DNAH14: variants seen among roughly 807,000 people sequenced by gnomAD.
The protein encoded by DNAH14 is axonemal beta dynein heavy chain 14.
A neutral mutation model predicts 520.9 loss-of-function variants in DNAH14; 478 were observed. The observed-to-expected ratio is 0.92, with a 90% CI of 0.85 to 0.99. DNAH14 has a LOEUF of 0.99. DNAH14 is among the 50% of genes least tolerant of loss of function. DNAH14 has a pLI of 0.00. For missense variants in DNAH14, 4,831 were observed against 5,234.5 expected, an observed-to-expected ratio of 0.92 and a Z score of 2.38; for synonymous variants, 1,581 against 1,757.2, an observed-to-expected ratio of 0.90 and a Z score of 2.51.
chr1:224,946,939 A>T (rs2059882114), intron 1 of DNAH14, among the ~76,000 whole-genome samples: 1 of 121,860 alleles, frequency 8.2e-6, no homozygotes, highest in Non-Finnish European at 1.7e-5. Context: ...TTTTTTTGAG[A>T]CAGAGTCTTG....
At chr1:225,256,888 G>A (rs1167763562) in intron 44 of DNAH14, among the ~76,000 whole-genome samples, 1 of 151,680 alleles carries the variant, frequency 6.6e-6, no homozygotes, top group East Asian at 1.9e-4. Context: ...AAGACCAGGA[G>A]CCCATTTGCT....
chr1:224,967,295 C>T (rs975785469), intron 5 of DNAH14, 136 bp from the exon 6 acceptor site: 14 of 487,114 alleles, frequency 2.9e-5, no homozygotes, highest in Middle Eastern at 5.5e-4. Flanking sequence ...TTAGCTTTCT[C>T]CAAATATAGT....
chr1:225,070,808 T>C (rs2071463723), intron 17 of DNAH14, among the ~76,000 whole-genome samples: 1 of 152,078 alleles, frequency 6.6e-6, no homozygotes, highest in Admixed American at 6.6e-5. Context: ...TGTTAAAGTT[T>C]CCCACTATTA....
Position 225,043,887 on chromosome 1 carries a change from T to G in DNAH14, c.1816T>G (p.Phe606Val). 1 of 1,519,322 alleles carries G rather than the reference T, an allele frequency of 6.6e-7. No homozygotes were observed. The highest frequency in any genetic ancestry group is 8.9e-7 in the Non-Finnish European group (1 of 1,123,148). The allele number at this position is 1,519,322 out of a possible 1,614,324, so 94.1% of individuals were successfully genotyped here. A position where few individuals can be genotyped will look rare whatever the true frequency, so the allele number is the denominator to read the frequency against. Residue 606 changes from phenylalanine to valine, a missense_variant and splice_region_variant, in exon 15 of 86, where the codon TTT becomes GTT. Coordinates refer to ENST00000682510, the MANE Select transcript of DNAH14 (RefSeq NM_001367479.1). ...TGCTTTTATTGTTTTCTCTGTTAGA[T>G]TTCCAGAATTTCCTACAAATCTCTT... The part of the protein sequence containing the change: ...EFENKYMYYE[F>V]PEFPTNLFID...
intron 27 of DNAH14, among the ~76,000 whole-genome samples, chr1:225,130,862 A>G (rs2078337758): frequency 6.6e-6 from 1 of 152,078 alleles, no homozygotes; most frequent in South Asian, 2.1e-4. Context: ...AAAAAATGCA[A>G]TATCTGTGAA....
At chr1:225,386,384 T>A (rs2095842291) in intron 81 of DNAH14, among the ~76,000 whole-genome samples, 1 of 152,022 alleles carries the variant, frequency 6.6e-6, no homozygotes, top group Non-Finnish European at 1.5e-5. Flanking sequence ...ACAAATGGGA[T>A]CTAATTAAAC....
intron 9 of DNAH14, among the ~76,000 whole-genome samples, chr1:225,004,882 C>T (rs1006172947): frequency 8.5e-5 from 13 of 152,056 alleles, no homozygotes; most frequent in Non-Finnish European, 1.3e-4. Flanking sequence ...AAGTTAATGC[C>T]GTTAATGGTG....
At chr1:225,257,473 A>C (rs1043732863) in intron 44 of DNAH14, among the ~76,000 whole-genome samples, 4 of 151,978 alleles carry the variant, frequency 2.6e-5, no homozygotes, top group Non-Finnish European at 5.9e-5. Context: ...ACATGATTAC[A>C]TTTTCCTGAA....
intron 55 of DNAH14, 105 bp downstream of exon 55, chr1:225,290,187 A>G: frequency 7.5e-6 from 6 of 795,588 alleles, no homozygotes; most frequent in African/African-American, 1.7e-5. Context: ...ATATTTATCA[A>G]TGGTTCTATT....
intron 27 of DNAH14, among the ~76,000 whole-genome samples, chr1:225,126,190 C>T (rs184742271): frequency 1.2e-4 from 19 of 152,156 alleles, no homozygotes; most frequent in African/African-American, 3.1e-4. Context: ...CAAAATGTGA[C>T]GCAGAGACAT....
At chr1:225,140,739 A>G (rs1201883250) in intron 27 of DNAH14, 29 bp from the exon 28 acceptor site, 1 of 1,386,772 alleles carries the variant, frequency 7.2e-7, no homozygotes, top group Admixed American at 2.1e-5. Flanking sequence ...AGAGAGAGAT[A>G]TATATATAAC....
At chr1:225,345,334 A>G (rs2095270349) in intron 69 of DNAH14, among the ~76,000 whole-genome samples, 1 of 152,216 alleles carries the variant, frequency 6.6e-6, no homozygotes, top group Non-Finnish European at 1.5e-5. Context: ...AAATCATATC[A>G]TAAGAAAAAA....
intron 81 of DNAH14, among the ~76,000 whole-genome samples, chr1:225,382,232 A>G (rs1192338090): frequency 6.6e-6 from 1 of 152,232 alleles, no homozygotes; most frequent in African/African-American, 2.4e-5. Context: ...ACTAAGATGG[A>G]AAGAATTAAA....
At chr1:225,097,285 G>A (rs1384384153) in intron 22 of DNAH14, 46 bp downstream of exon 22, 1 of 1,467,896 alleles carries the variant, frequency 6.8e-7, no homozygotes, top group African/African-American at 1.4e-5. Context: ...AATGCATTGT[G>A]AGTAATTTAT....
At chr1:224,970,193 T>C (rs2061422035) in intron 7 of DNAH14, among the ~76,000 whole-genome samples, 1 of 152,098 alleles carries the variant, frequency 6.6e-6, no homozygotes, top group South Asian at 2.1e-4. Flanking sequence ...GGGGCGGCTG[T>C]ATTTTATGGT....
At chr1:224,952,301 T>C (rs1189517366) in intron 1 of DNAH14, among the ~76,000 whole-genome samples, 2 of 152,232 alleles carry the variant, frequency 1.3e-5, no homozygotes, top group African/African-American at 2.4e-5. Context: ...CAGCTTCAGC[T>C]ACCACTTCTG....
rs2070537008 is a variant in DNAH14 at position 225,064,017 on chromosome 1, T to A, written c.2424+12222T>A. Among the ~76,000 whole-genome samples the A allele has an allele frequency of 2.0e-5, 3 of 152,048 alleles. No individual in the cohort carries two copies. In the South Asian group the frequency reaches 6.2e-4, roughly 31 times the overall value. Reference sequence around the variant, plus strand: ...ATTTTTAGAATGAGAAAAATCTCTTTGGATTTTGTGTATCTAACAAAGGAC... The same window carrying A: ...ATTTTTAGAATGAGAAAAATCTCTTAGGATTTTGTGTATCTAACAAAGGAC... On this transcript the variant is annotated intron_variant, in intron 17 of 85. Coordinates refer to ENST00000682510, the MANE Select transcript of DNAH14 (RefSeq NM_001367479.1).
intron 27 of DNAH14, among the ~76,000 whole-genome samples, chr1:225,132,095 A>G (rs1304415947): frequency 6.6e-6 from 1 of 152,156 alleles, no homozygotes; most frequent in Non-Finnish European, 1.5e-5. Flanking sequence ...TAAAGACTCT[A>G]CAGAGATCGG....
intron 7 of DNAH14, chr1:224,969,866 A>G (rs2061403881): frequency 6.5e-6 from 1 of 152,724 alleles, no homozygotes; most frequent in Non-Finnish European, 1.5e-5. Flanking sequence ...TAATCCCGTC[A>G]TCTTCGTAAG....
Sources: allele counts gnomAD v4.1 joint callset (sites outside exome capture counted in the v4.1 genomes callset), GRCh38; gene constraint gnomAD v4.1.1; transcripts MANE v1.5; gene names NCBI Gene and HGNC (gene_info 2026-07-23, HGNC 2026-07-21).